The following TMEM132D variants were observed in gnomAD, a reference collection of about 807,000 sequenced individuals.
The protein encoded by TMEM132D is mature OL transmembrane protein.
TMEM132D carries 21 observed loss-of-function variants against 62.3 expected under a neutral mutation model. The observed-to-expected ratio is 0.34, with a 90% CI of 0.24 to 0.49. TMEM132D has a LOEUF of 0.49. TMEM132D is among the 20% of genes least tolerant of loss of function. The pLI is 0.99. For missense variants in TMEM132D, 1,346 were observed against 1,402.8 expected, an observed-to-expected ratio of 0.96 and a Z score of 0.65; for synonymous variants, 621 against 575.6, an observed-to-expected ratio of 1.08 and a Z score of -1.13.
rs1232986750 is a variant in TMEM132D at position 129,700,092 on chromosome 12, G to A, written c.686C>T (p.Thr229Ile). Reference protein sequence around the residue: ...PEGTPVELYYTVHPGGERGDC... With the variant: ...PEGTPVELYYIVHPGGERGDC... ...CCCTCTCTCACCCCCTGGGTGCACG[G>A]TGTAGTAGAGCTCCACGGGGGTCCC... is the stretch of plus-strand genomic sequence containing the variant. Residue 229 changes from threonine to isoleucine, a missense_variant, in exon 2 of 9, where the codon ACC becomes ATC. Transcript: ENST00000422113. 2 of 1,613,580 alleles carry A rather than the reference G, an allele frequency of 1.2e-6. No homozygotes were observed. Among genetic ancestry groups the A allele is most frequent in the East Asian group, 4.5e-5 (2 of 44,846 alleles).
At chr12:129,440,774 A>T (rs937495774) in intron 3 of TMEM132D, among the ~76,000 whole-genome samples, 1 of 152,140 alleles carries the variant, frequency 6.6e-6, no homozygotes, top group Non-Finnish European at 1.5e-5. Context: ...CAGGATGTAT[A>T]GAGAGTTCTA....
intron 2 of TMEM132D, among the ~76,000 whole-genome samples, chr12:129,658,032 C>G (rs1880138567): frequency 6.6e-6 from 1 of 152,176 alleles, no homozygotes; most frequent in Admixed American, 6.6e-5. Context: ...GCATTGAAAT[C>G]AAACACCATG....
chr12:129,765,968 T>C (rs1342465143), intron 1 of TMEM132D, among the ~76,000 whole-genome samples: 1 of 152,178 alleles, frequency 6.6e-6, no homozygotes, highest in African/African-American at 2.4e-5. Context: ...ATGGTAGAAC[T>C]GCACTTCCTG....
intron 3 of TMEM132D, among the ~76,000 whole-genome samples, chr12:129,487,011 T>G (rs1161615422): frequency 7.0e-6 from 1 of 143,520 alleles, no homozygotes; most frequent in Non-Finnish European, 1.5e-5. Flanking sequence ...GGAGAGTTGA[T>G]GTCTGCGAAT....
intron 5 of TMEM132D, among the ~76,000 whole-genome samples, chr12:129,168,247 T>C (rs1463409175): frequency 8.5e-6 from 1 of 118,122 alleles, no homozygotes; most frequent in Non-Finnish European, 1.6e-5. Flanking sequence ...TCTCCTCTTT[T>C]GGGATTTTTT....
chr12:129,171,055 T>C (rs2135546394), intron 5 of TMEM132D, among the ~76,000 whole-genome samples: 1 of 152,256 alleles, frequency 6.6e-6, no homozygotes, highest in Middle Eastern at 3.4e-3. Context: ...TTGATAGCAT[T>C]TTACCCACAG....
At chr12:129,899,847 A>G (rs1369835346) in intron 1 of TMEM132D, among the ~76,000 whole-genome samples, 1 of 140,938 alleles carries the variant, frequency 7.1e-6, no homozygotes, top group East Asian at 2.0e-4. Flanking sequence ...ACAGAATTTG[A>G]ATGTAAGCAA....
intron 4 of TMEM132D, among the ~76,000 whole-genome samples, chr12:129,242,586 C>T (rs749831430): frequency 6.6e-6 from 1 of 151,956 alleles, no homozygotes; most frequent in African/African-American, 2.4e-5. Flanking sequence ...GGGTTATCAC[C>T]ACTTGTATAT....
intron 4 of TMEM132D, among the ~76,000 whole-genome samples, chr12:129,255,397 T>G (rs1018446824): frequency 6.6e-6 from 1 of 152,190 alleles, no homozygotes; most frequent in Non-Finnish European, 1.5e-5. Flanking sequence ...TCACTCAAGG[T>G]TTGACCCAGT....
intron 2 of TMEM132D, among the ~76,000 whole-genome samples, chr12:129,546,167 C>T (rs923098766): frequency 2.0e-5 from 3 of 152,150 alleles, no homozygotes; most frequent in African/African-American, 4.8e-5. Context: ...TGTCCCCTGT[C>T]CTGATGCCCA....
intron 4 of TMEM132D, among the ~76,000 whole-genome samples, chr12:129,315,260 G>A (rs1483307049): frequency 9.9e-5 from 15 of 152,160 alleles, no homozygotes; most frequent in Non-Finnish European, 2.1e-4. Flanking sequence ...TCCCCATTCA[G>A]TATTATGTTG....
chr12:129,452,618 G>C (rs935861808), intron 3 of TMEM132D, among the ~76,000 whole-genome samples: 1 of 152,072 alleles, frequency 6.6e-6, no homozygotes, highest in African/African-American at 2.4e-5. Flanking sequence ...TTCATAATTT[G>C]ATAATTGTTC....
intron 4 of TMEM132D, among the ~76,000 whole-genome samples, chr12:129,302,410 C>T (rs1010703968): frequency 2.0e-5 from 3 of 152,246 alleles, no homozygotes; most frequent in African/African-American, 4.8e-5. Context: ...CCACCACGCC[C>T]GGCCTCTGCC....
At chr12:129,178,664 G>A (rs1258474564) in intron 5 of TMEM132D, among the ~76,000 whole-genome samples, 1 of 152,170 alleles carries the variant, frequency 6.6e-6, no homozygotes, top group Non-Finnish European at 1.5e-5. Flanking sequence ...AAAGATGGGG[G>A]CAGTAGAAAT....
At chr12:129,559,961 C>T (rs1432643409) in intron 2 of TMEM132D, among the ~76,000 whole-genome samples, 1 of 152,180 alleles carries the variant, frequency 6.6e-6, no homozygotes, top group East Asian at 1.9e-4. Flanking sequence ...GAAAAGAGTA[C>T]TGTTCAGGGT....
chr12:129,749,440 T>C (rs137864828), intron 1 of TMEM132D, among the ~76,000 whole-genome samples: 1 of 150,272 alleles, frequency 6.7e-6, no homozygotes, highest in African/African-American at 2.4e-5. Flanking sequence ...GCATGTTTTG[T>C]TTACAAATGA....
At chr12:129,306,199 A>G (rs1216594480) in intron 4 of TMEM132D, among the ~76,000 whole-genome samples, 1 of 152,220 alleles carries the variant, frequency 6.6e-6, no homozygotes, top group Non-Finnish European at 1.5e-5. Flanking sequence ...CAAAAGCTAA[A>G]AAGTACATCT....
chr12:129,823,757 T>C (rs1191065814), intron 1 of TMEM132D, among the ~76,000 whole-genome samples: 1 of 152,206 alleles, frequency 6.6e-6, no homozygotes, highest in African/African-American at 2.4e-5. Flanking sequence ...TATGTCACAT[T>C]TAACTTCTCC....
At chr12:129,607,051 TTTTCTTTC>T (rs755623996) in intron 2 of TMEM132D, among the ~76,000 whole-genome samples, 3 of 151,042 alleles carry the variant, frequency 2.0e-5, no homozygotes, top group Non-Finnish European at 2.9e-5. Context: ...CTTAGTTTCT[TTTTCTTTC>T]TTTCTTTCTT....
Sources: allele counts gnomAD v4.1 joint callset (sites outside exome capture counted in the v4.1 genomes callset), GRCh38; gene constraint gnomAD v4.1.1; transcripts MANE v1.5; gene names NCBI Gene and HGNC (gene_info 2026-07-23, HGNC 2026-07-21).